The following NCALD variants were observed in gnomAD, a reference collection of about 807,000 sequenced individuals.
NCALD encodes the protein neurocalcin delta, also known as neurocalcin-delta.
A neutral mutation model predicts 18.6 loss-of-function variants in NCALD; 10 were observed. That is an observed-to-expected ratio of 0.54 (90% CI 0.33 to 0.91). NCALD has a LOEUF of 0.91. Among genes scored for constraint, NCALD ranks in the 40% least tolerant of loss-of-function variants. The pLI, the probability that NCALD is intolerant of heterozygous loss-of-function variation, is 0.03. For synonymous variants in NCALD, 88 were observed against 87.4 expected (o/e 1.01, Z -0.04); for missense variants, 184 against 247.6 (o/e 0.74, Z 1.72).
intron 2 of NCALD, among the ~76,000 whole-genome samples, chr8:101,938,395 G>T (rs1220715990): frequency 3.3e-5 from 5 of 152,140 alleles, no homozygotes; most frequent in Admixed American, 3.3e-4. Flanking sequence ...GTCCTCCACG[G>T]TTACATAGTA....
chr8:101,816,103 T>C (rs1174180401), intron 4 of NCALD, among the ~76,000 whole-genome samples: 1 of 152,096 alleles, frequency 6.6e-6, no homozygotes, highest in African/African-American at 2.4e-5. Context: ...AAACTATGGA[T>C]ACAATAAAAA....
chr8:101,713,838 A>T (rs1305696777), intron 2 of NCALD, among the ~76,000 whole-genome samples: 1 of 152,240 alleles, frequency 6.6e-6, no homozygotes, highest in African/African-American at 2.4e-5. Flanking sequence ...TCACAGCCGA[A>T]TTCTACCAGA....
chr8:102,041,835 G>A (rs1426246092), intron 1 of NCALD, among the ~76,000 whole-genome samples: 2 of 150,850 alleles, frequency 1.3e-5, no homozygotes, highest in African/African-American at 5.0e-5. Context: ...TGCCTCAGCT[G>A]CTAGCACTCA....
intron 1 of NCALD, among the ~76,000 whole-genome samples, chr8:101,742,591 A>G (rs1226759687): frequency 1.3e-5 from 2 of 152,234 alleles, no homozygotes; most frequent in African/African-American, 2.4e-5. Flanking sequence ...AGTTGAATCC[A>G]TTTTTGTTTC....
intron 4 of NCALD, among the ~76,000 whole-genome samples, chr8:101,863,570 G>A (rs528222365): frequency 3.3e-5 from 5 of 152,068 alleles, no homozygotes; most frequent in African/African-American, 1.2e-4. Flanking sequence ...AAAATAACAG[G>A]GGATTGGAAA....
chr8:102,101,443 G>A (rs1467238454), intron 1 of NCALD, among the ~76,000 whole-genome samples: 5 of 152,216 alleles, frequency 3.3e-5, no homozygotes, highest in South Asian at 2.1e-4. Flanking sequence ...CTCTATAAAC[G>A]AAGGCTGCAT....
intron 2 of NCALD, among the ~76,000 whole-genome samples, chr8:101,717,537 A>G (rs1384896447): frequency 6.6e-6 from 1 of 152,198 alleles, no homozygotes; most frequent in Non-Finnish European, 1.5e-5. Flanking sequence ...AACAAATAGA[A>G]CTTTAATTTG....
chr8:101,838,285 G>A (rs571937170), intron 4 of NCALD, among the ~76,000 whole-genome samples: 54 of 152,064 alleles, frequency 3.6e-4, no homozygotes, highest in Admixed American at 5.9e-4. Flanking sequence ...GCAGTGGCAC[G>A]AACTCAGCTC....
intron 1 of NCALD, among the ~76,000 whole-genome samples, chr8:101,748,794 G>T (rs150827452): frequency 5.3e-5 from 8 of 152,274 alleles, no homozygotes; most frequent in African/African-American, 1.9e-4. Context: ...CAGAACTCTC[G>T]TTCTAAACCA....
chr8:102,069,004 A>C (rs1824096834), intron 1 of NCALD, among the ~76,000 whole-genome samples: 1 of 152,202 alleles, frequency 6.6e-6, no homozygotes, highest in African/African-American at 2.4e-5. Context: ...TAGAGAGTAG[A>C]ATGGTGGTTA....
In NCALD at chr8:102,001,993, A is replaced by T. The variant is rs1202159944; in HGVS notation, c.-157+18244T>A. 3.9e-5 allele frequency among the ~76,000 whole-genome samples: 6 copies of T among 152,348 alleles called. No individual in the cohort carries two copies. The East Asian group carries it at 1.2e-3, about 29-fold the overall frequency. ...CTAATGAGCAAAATAACCAGCTAACATCATAATGACAGGATCAAATTCACA... is the reference window on the plus strand; with the variant it reads ...CTAATGAGCAAAATAACCAGCTAACTTCATAATGACAGGATCAAATTCACA... On this transcript the variant is annotated intron_variant, in intron 2 of 6. Transcript: ENST00000311028.
chr8:101,857,246 T>C (rs900431197), intron 4 of NCALD, among the ~76,000 whole-genome samples: 1 of 152,196 alleles, frequency 6.6e-6, no homozygotes, highest in Non-Finnish European at 1.5e-5. Context: ...TGTCTCCTTT[T>C]AGATTCACAG....
At chr8:101,863,246 T>C (rs930353717) in intron 4 of NCALD, among the ~76,000 whole-genome samples, 4 of 152,174 alleles carry the variant, frequency 2.6e-5, no homozygotes, top group East Asian at 1.9e-4. Flanking sequence ...GCCCATCTCA[T>C]CTGTGACTAT....
chr8:102,066,445 C>T (rs1563588234), intron 1 of NCALD, among the ~76,000 whole-genome samples: 1 of 152,158 alleles, frequency 6.6e-6, no homozygotes, highest in Non-Finnish European at 1.5e-5. Context: ...TCACAGTCGG[C>T]ACTCACTGTG....
At chr8:101,823,243 G>A (rs900431303) in intron 4 of NCALD, among the ~76,000 whole-genome samples, 15 of 152,068 alleles carry the variant, frequency 9.9e-5, no homozygotes, top group African/African-American at 3.6e-4. Context: ...TTTTCCTCCC[G>A]CTATTAGCAA....
At chr8:101,864,537 C>A (rs1283851974) in intron 4 of NCALD, among the ~76,000 whole-genome samples, 2 of 150,748 alleles carry the variant, frequency 1.3e-5, no homozygotes, top group Admixed American at 1.3e-4. Context: ...AAAGACTCGA[C>A]AAGAAAAGCC....
chr8:102,040,944 C>T (rs1446224062), intron 1 of NCALD, among the ~76,000 whole-genome samples: 1 of 148,372 alleles, frequency 6.7e-6, no homozygotes, highest in Admixed American at 6.7e-5. Context: ...TGTGGTTATA[C>T]CCTGTAAAAG....
At chr8:101,929,228 A>G (rs933206493) in intron 2 of NCALD, among the ~76,000 whole-genome samples, 3 of 108,782 alleles carry the variant, frequency 2.8e-5, no homozygotes, top group African/African-American at 4.2e-5. Context: ...GAAGGGGAAG[A>G]AGGAGGAGGA....
intron 1 of NCALD, among the ~76,000 whole-genome samples, chr8:102,025,955 A>C (rs752693864): frequency 6.6e-6 from 1 of 152,182 alleles, no homozygotes; most frequent in Non-Finnish European, 1.5e-5. Context: ...GGAAGCAAAC[A>C]CATCCTTCTT....
Sources: gnomAD v4.1 joint callset for allele counts (sites outside exome capture counted in the v4.1 genomes callset) on GRCh38, gnomAD v4.1.1 for gene constraint, MANE v1.5 for transcripts, NCBI Gene and HGNC (gene_info 2026-07-23, HGNC 2026-07-21) for gene names.